RAB3GAP1: variants seen among roughly 807,000 people sequenced by gnomAD.
RAB3GAP1 encodes RAB3 GTPase activating protein catalytic subunit 1.
Under a neutral mutation model 130.7 loss-of-function variants are expected in RAB3GAP1, and 86 were observed. The ratio of observed to expected loss-of-function variants is 0.66; its 90% CI spans 0.55 to 0.79. RAB3GAP1 has a LOEUF of 0.79. Ranked by LOEUF, RAB3GAP1 falls within the 30% of genes least tolerant of loss-of-function variation. RAB3GAP1 has a pLI of 0.00. For missense variants in RAB3GAP1, 1,029 were observed against 1,169.4 expected (o/e 0.88, Z 1.75); for synonymous variants, 367 against 401.7 (o/e 0.91, Z 1.03).
At position 135,094,529 on chromosome 2, in the gene RAB3GAP1, T is replaced by C. The variant is rs1453965721; in HGVS notation, c.362+836T>C. ...TTTTTGTCCCATTAACCATCCCCTC[T>C]TTATGCCCTGCTCCCCATTACCCTT... is the stretch of plus-strand genomic sequence containing the variant. On this transcript the variant is annotated intron_variant, in intron 5 of 23. Coordinates refer to ENST00000264158, the MANE Select transcript of RAB3GAP1 (RefSeq NM_012233.3). Among the ~76,000 whole-genome samples, 4 of 152,184 alleles carry C rather than the reference T, an allele frequency of 2.6e-5. No individual in the cohort carries two copies. The East Asian group carries it at 7.7e-4, about 29-fold the overall frequency.
At chr2:135,070,427 G>A (rs1689435141) in intron 3 of RAB3GAP1, among the ~76,000 whole-genome samples, 1 of 152,084 alleles carries the variant, frequency 6.6e-6, no homozygotes, top group Non-Finnish European at 1.5e-5. Flanking sequence ...GTATATAATG[G>A]GTGTTCTTTC....
At chr2:135,081,328 AT>A (rs1363986792) in intron 3 of RAB3GAP1, among the ~76,000 whole-genome samples, 1,778 of 55,214 alleles carry the variant, frequency 0.032, 94 homozygotes, top group African/African-American at 0.12. Context: ...AAAAAAAAAA[AT>A]ATATATATAT....
At chr2:135,159,033 A>G (rs1447857913) in intron 19 of RAB3GAP1, among the ~76,000 whole-genome samples, 1 of 152,262 alleles carries the variant, frequency 6.6e-6, no homozygotes, top group Non-Finnish European at 1.5e-5. Context: ...CAACTGGCCA[A>G]GACTGGAACA....
intron 7 of RAB3GAP1, among the ~76,000 whole-genome samples, chr2:135,117,540 T>TCTG (rs1392807573): frequency 5.7e-5 from 3 of 52,542 alleles, no homozygotes; most frequent in African/African-American, 1.5e-4. Context: ...TGCTTCTTCT[T>TCTG]CTGCTTCTTC....
intron 5 of RAB3GAP1, among the ~76,000 whole-genome samples, chr2:135,106,802 G>GA (rs1001588497): frequency 4.0e-4 from 54 of 136,344 alleles, no homozygotes; most frequent in Middle Eastern, 3.6e-3. Flanking sequence ...AAAGCAAGCT[G>GA]AAAAAAAAAA....
Position 135,162,453 on chromosome 2 carries a change from T to G in RAB3GAP1, c.2290-102T>G, listed in dbSNP as rs186158351. 1.6e-4 allele frequency: 137 copies of G among 880,026 alleles called. No individual in the cohort carries two copies. The East Asian group carries it at 3.4e-3, about 22-fold the overall frequency. 54.5% of individuals were successfully genotyped at this position (880,026 alleles called of 1,614,324 possible). The stretch of plus-strand genomic sequence containing the variant: ...GCTGCCTATCTGGAGTGCTGTCTTG[T>G]TAAGGATTAAGATGAGTGGCTGAGG... On this transcript the variant is annotated intron_variant, in intron 19 of 23. Transcript: ENST00000264158.
chr2:135,138,634 G>T (rs1459565327), intron 17 of RAB3GAP1, among the ~76,000 whole-genome samples: 6 of 150,330 alleles, frequency 4.0e-5, no homozygotes, highest in African/African-American at 1.5e-4. Context: ...TTGGAGACAG[G>T]ATCTCATTCT....
chr2:135,115,515 A>G, intron 7 of RAB3GAP1, 134 bp downstream of exon 7: 1 of 872,316 alleles, frequency 1.1e-6, no homozygotes, highest in Non-Finnish European at 1.7e-6. Context: ...GCTATAAGTG[A>G]CTACATAAAT....
chr2:135,062,764 A>G (rs1160068963), intron 3 of RAB3GAP1, among the ~76,000 whole-genome samples: 1 of 152,196 alleles, frequency 6.6e-6, no homozygotes, highest in Non-Finnish European at 1.5e-5. Context: ...TTTATTACTA[A>G]GGATTTTATG....
intron 19 of RAB3GAP1, among the ~76,000 whole-genome samples, chr2:135,158,904 G>A (rs972166642): frequency 6.6e-6 from 1 of 151,434 alleles, no homozygotes; most frequent in African/African-American, 2.4e-5. Flanking sequence ...CTAATTGTGA[G>A]GGAACATTAG....
rs757816053 is a variant in RAB3GAP1 at position 135,168,717 on chromosome 2, G to A, written c.2882G>A (p.Ser961Asn). 1.9e-6 allele frequency: 3 copies of A among 1,614,198 alleles called. No individual in the cohort carries two copies. The highest frequency in any genetic ancestry group is 1.7e-5 in the Admixed American group (1 of 60,022). ...YSKALPQRMYSVLTKEDFRLA... is the reference protein window; with the variant it reads ...YSKALPQRMYNVLTKEDFRLA... ...AAAGCTCTGCCTCAGCGGATGTACA[G>A]TGTTCTCACCAAAGAGGACTTTAGA... The change falls in exon 24 of 24, where the codon AGT becomes AAT. Residue 961 changes from serine to asparagine, a missense_variant. By Grantham distance (46) the Ser-to-Asn change is conservative. Coordinates refer to ENST00000264158, the MANE Select transcript of RAB3GAP1 (RefSeq NM_012233.3).
At chr2:135,116,374 A>G (rs1350109539) in intron 7 of RAB3GAP1, among the ~76,000 whole-genome samples, 1 of 152,164 alleles carries the variant, frequency 6.6e-6, no homozygotes, top group Non-Finnish European at 1.5e-5. Flanking sequence ...AAATCAAAAC[A>G]TGAGGAAGCA....
chr2:135,093,744 C>G (rs1227089373), intron 5 of RAB3GAP1, 51 bp downstream of exon 5: 9 of 1,316,990 alleles, frequency 6.8e-6, no homozygotes, highest in Non-Finnish European at 9.9e-6. Flanking sequence ...TGCGGGGGAC[C>G]TCAACACTGT....
At chr2:135,121,008 A>C in intron 8 of RAB3GAP1, 90 bp downstream of exon 8, 1 of 967,614 alleles carries the variant, frequency 1.0e-6, no homozygotes, top group Non-Finnish European at 1.7e-6. Flanking sequence ...CAAGAGTTTC[A>C]AGTGTTTTAC....
intron 3 of RAB3GAP1, among the ~76,000 whole-genome samples, chr2:135,072,783 A>G (rs1291374431): frequency 6.6e-6 from 1 of 152,170 alleles, no homozygotes; most frequent in Non-Finnish European, 1.5e-5. Context: ...CTTTACCATT[A>G]TAACCTTTAA....
intron 3 of RAB3GAP1, among the ~76,000 whole-genome samples, chr2:135,078,103 G>A (rs1689682392): frequency 3.3e-5 from 5 of 152,080 alleles, no homozygotes; most frequent in Admixed American, 3.3e-4. Flanking sequence ...TCCTGTCCAA[G>A]AAATAATTGC....
chr2:135,111,977 A>G (rs1241171619), intron 5 of RAB3GAP1, among the ~76,000 whole-genome samples: 2 of 152,224 alleles, frequency 1.3e-5, no homozygotes, highest in Non-Finnish European at 2.9e-5. Context: ...CCTCTTAAAA[A>G]TACTTAAAAC....
At chr2:135,107,426 G>A (rs1460131380) in intron 5 of RAB3GAP1, among the ~76,000 whole-genome samples, 1 of 151,704 alleles carries the variant, frequency 6.6e-6, no homozygotes, top group African/African-American at 2.4e-5. Context: ...CACAAAGGAA[G>A]GGGGAAGGAA....
At chr2:135,141,801 A>G (rs937918761) in intron 17 of RAB3GAP1, among the ~76,000 whole-genome samples, 2 of 152,210 alleles carry the variant, frequency 1.3e-5, no homozygotes, top group African/African-American at 4.8e-5. Flanking sequence ...ACCACTGTTG[A>G]AAAGATCTGC....
Sources: gnomAD v4.1 joint callset for allele counts (sites outside exome capture counted in the v4.1 genomes callset) on GRCh38, gnomAD v4.1.1 for gene constraint, MANE v1.5 for transcripts, NCBI Gene and HGNC (gene_info 2026-07-23, HGNC 2026-07-21) for gene names.